MEAK7: variants seen among roughly 807,000 people sequenced by gnomAD.
The protein encoded by MEAK7 is MTOR associated protein MEAK7, also known as MTOR-associated protein MEAK7.
In MEAK7, 68 loss-of-function variants were observed where a neutral mutation model predicts 40.5. That is an observed-to-expected ratio of 1.68 (90% CI 1.38 to 2.06). The LOEUF is 2.06. Ranked by LOEUF, MEAK7 falls within the 30% of genes most tolerant of loss-of-function variation. The pLI, the probability that MEAK7 is intolerant of heterozygous loss-of-function variation, is 0.00. For missense variants in MEAK7, 918 were observed against 580.5 expected, an observed-to-expected ratio of 1.58 and a Z score of -5.98; for synonymous variants, 338 against 231.9, an observed-to-expected ratio of 1.46 and a Z score of -4.16.
At chr16:84,482,484 A>G (rs392199) in intron 6 of MEAK7, 108 bp downstream of exon 6, 1,554,148 of 1,560,932 alleles carry the variant, frequency 1, 773,809 homozygotes, top group East Asian at 1. Context: ...TGCGTGAGGA[A>G]CTGAATGCCA....
chr16:84,497,014 C>A, intron 2 of MEAK7: 1 of 167,296 alleles, frequency 6.0e-6, no homozygotes, highest in South Asian at 1.5e-4. Context: ...ATGTATTTTT[C>A]ATTCATTTTT....
At chr16:84,482,465 G>T (rs1912648085) in intron 6 of MEAK7, 127 bp downstream of exon 6, 2 of 1,477,282 alleles carry the variant, frequency 1.4e-6, no homozygotes, top group Non-Finnish European at 1.8e-6. Flanking sequence ...GAAGGAACTG[G>T]ACATGGCGTG....
In MEAK7 at chr16:84,495,727, T is replaced by G. The variant is rs756652218; in HGVS notation, c.340A>C (p.Ile114Leu). The stretch of plus-strand genomic sequence containing the variant: ...TTCACGGGACCTTCTGTGGCAGAAA[T>G]CATTTTCATAATCATGAGACTCTTC... ...EEKSLMIMKM[I>L]SATEGPVKAR... The change falls in exon 3 of 8, where the codon ATT becomes CTT. Residue 114 changes from isoleucine (I) to leucine (L), a missense_variant. Ile to Leu is a conservative substitution (Grantham distance 5). Coordinates refer to ENST00000343629, the MANE Select transcript of MEAK7 (RefSeq NM_020947.4). 1 of 1,614,010 alleles carries G rather than the reference T, an allele frequency of 6.2e-7. No individual in the cohort carries two copies.
At position 84,486,829 on chromosome 16, in the gene MEAK7, T is replaced by G. The variant is rs753600145; in HGVS notation, c.760A>C (p.Ile254Leu). 2.5e-6 allele frequency: 4 copies of G among 1,614,046 alleles called. No homozygotes were observed. Among genetic ancestry groups the G allele is most frequent in the East Asian group, 2.2e-5 (1 of 44,890 alleles). ...SILDVLSVMY[I>L]NAQLPREQRH... ...TGCTCCCGAGGCAGCTGGGCGTTGA[T>G]GTACATGACAGAGAGGACATCCAGG... Residue 254 changes from isoleucine (I) to leucine (L), a missense_variant, in exon 5 of 8, where the codon ATC becomes CTC. Coordinates refer to ENST00000343629, the MANE Select transcript of MEAK7 (RefSeq NM_020947.4).
rs540186209 is a variant in MEAK7 at position 84,476,716 on chromosome 16, G to C, written c.*3197C>G. On this transcript the variant is annotated 3_prime_UTR_variant, in exon 8 of 8. Coordinates refer to ENST00000343629, the MANE Select transcript of MEAK7 (RefSeq NM_020947.4). ...GACCTCCCTTTAAAAAAGAAAGCGAGGGACACATCAGTGTGTAAAAGACAG... is the reference window on the plus strand; with the variant it reads ...GACCTCCCTTTAAAAAAGAAAGCGACGGACACATCAGTGTGTAAAAGACAG... The C allele has an allele frequency of 6.6e-6, 1 of 152,292 alleles. No individual in the cohort carries two copies. The highest frequency in any genetic ancestry group is 1.9e-4 in the East Asian group (1 of 5,176). 9.4% of individuals were successfully genotyped at this position (152,292 alleles called of 1,614,324 possible). A position where few individuals can be genotyped will look rare whatever the true frequency, so the allele number is the denominator to read the frequency against.
At chr16:84,481,159 A>T (rs146018349) in intron 6 of MEAK7, among the ~76,000 whole-genome samples, 2,253 of 152,312 alleles carry the variant, frequency 0.015, 68 homozygotes, top group African/African-American at 0.052. Context: ...ACAGGCTGGG[A>T]AACTCAGCTC....
In MEAK7 at chr16:84,489,279, T is replaced by G. The variant is rs1276480113; in HGVS notation, c.528A>C (p.Gln176His). Residue 176 changes from glutamine (Q) to histidine (H), a missense_variant and splice_region_variant, in exon 4 of 8, where the codon CAA becomes CAC. Transcript: ENST00000343629. ...AAQLLSDMKL[Q>H]DGKRLLGPQW... The stretch of plus-strand genomic sequence containing the variant: ...ATCACCGCGTCCACGCACACTTGCC[T>G]TGCAGCTTCATGTCAGAGAGCAGCT... 6.2e-7 allele frequency: 1 copy of G among 1,614,018 alleles called. No homozygotes were observed. Among genetic ancestry groups the G allele is most frequent in the South Asian group, 1.1e-5 (1 of 91,042 alleles).
At position 84,478,675 on chromosome 16, in the gene MEAK7, C is replaced by T. The variant is rs1285355321; in HGVS notation, c.*1238G>A. The T allele has an allele frequency of 6.6e-6, 1 of 152,238 alleles. No individual in the cohort carries two copies. The highest frequency in any genetic ancestry group is 1.5e-5 in the Non-Finnish European group (1 of 68,052). 9.4% of individuals were successfully genotyped at this position (152,238 alleles called of 1,614,324 possible). A position where few individuals can be genotyped will look rare whatever the true frequency, so the allele number is the denominator to read the frequency against. On this transcript the variant is annotated 3_prime_UTR_variant, in exon 8 of 8. Transcript: ENST00000343629. Reference sequence around the variant, plus strand: ...GCAGCTCTGCTGACCCCACAACCCACCTACACGATCTTCAGCATTTCAGGA... The same window carrying T: ...GCAGCTCTGCTGACCCCACAACCCATCTACACGATCTTCAGCATTTCAGGA...
At chr16:84,487,213 T>A in intron 4 of MEAK7, 154 bp from the exon 5 acceptor site, 1 of 611,074 alleles carries the variant, frequency 1.6e-6, no homozygotes, top group Middle Eastern at 4.0e-4. Flanking sequence ...GCCGTCAGTG[T>A]AAAAGGCACA....
rs1163829568 is a variant in MEAK7, at chr16:84,483,223, T to G, written c.959-513A>C. Among the ~76,000 whole-genome samples, 9 of 152,304 alleles carry G rather than the reference T, an allele frequency of 5.9e-5. No individual in the cohort carries two copies. The South Asian group carries it at 1.9e-3, about 32-fold the overall frequency. ...GCACGGCCTACGAAAGGAAGTAGTTTACCCTCGCCCAAAGGCATGGGGTGG... is the reference window on the plus strand; with the variant it reads ...GCACGGCCTACGAAAGGAAGTAGTTGACCCTCGCCCAAAGGCATGGGGTGG... On this transcript the variant is annotated intron_variant, in intron 5 of 7. Transcript: ENST00000343629.
intron 6 of MEAK7, 90 bp from the exon 7 acceptor site, chr16:84,480,798 T>A: frequency 7.0e-7 from 1 of 1,430,440 alleles, no homozygotes. Flanking sequence ...TCGCCTTAAG[T>A]ACCAGCCTGA....
chr16:84,483,028 C>T (rs1912715121), intron 5 of MEAK7, among the ~76,000 whole-genome samples: 1 of 152,210 alleles, frequency 6.6e-6, no homozygotes, highest in South Asian at 2.1e-4. Context: ...CCAGAAAGAG[C>T]AGGCTTCCTT....
rs1163147270 is a variant in MEAK7 at position 84,498,052 on chromosome 16, A to G, written c.35T>C (p.Phe12Ser). The G allele has an allele frequency of 6.2e-7, 1 of 1,613,894 alleles. No homozygotes were observed. The highest frequency in any genetic ancestry group is 8.5e-7 in the Non-Finnish European group (1 of 1,179,968). ...GNSRSRVGRS[F>S]CSQFLPEEQA... ...TTCCTCAGGAAGAAACTGTGAACAA[A>G]AGCTCCGCCCCACACGGCTTCTGCT... The change falls in exon 2 of 8, where the codon TTT (phenylalanine) becomes TCT (serine). Residue 12 changes from phenylalanine (F) to serine (S), a missense_variant. By Grantham distance (155) the Phe-to-Ser change is radical. Coordinates refer to ENST00000343629, the MANE Select transcript of MEAK7 (RefSeq NM_020947.4).
At chr16:84,504,014 C>G (rs1032497348) in intron 1 of MEAK7, 93 of 985,420 alleles carry the variant, frequency 9.4e-5, no homozygotes, top group Non-Finnish European at 1.1e-4. Flanking sequence ...GAAGTCCTGT[C>G]TGTGTCTCAG....
intron 5 of MEAK7, among the ~76,000 whole-genome samples, chr16:84,483,474 C>T (rs1912756730): frequency 6.6e-6 from 1 of 152,242 alleles, no homozygotes; most frequent in African/African-American, 2.4e-5. Context: ...TCACAACAAG[C>T]TGGAAGGCTG....
chr16:84,504,092 G>A, intron 1 of MEAK7: 2 of 985,584 alleles, frequency 2.0e-6, no homozygotes, highest in African/African-American at 1.7e-5. Flanking sequence ...GCCAGAAGGT[G>A]ACCTGTCCTG....
At chr16:84,482,837 G>T in intron 5 of MEAK7, 127 bp from the exon 6 acceptor site, 1 of 1,423,844 alleles carries the variant, frequency 7.0e-7, no homozygotes. Context: ...ATGTCCAGGT[G>T]TCGGCAGATC....
At chr16:84,492,921 T>C (rs1913746018) in intron 3 of MEAK7, among the ~76,000 whole-genome samples, 1 of 152,228 alleles carries the variant, frequency 6.6e-6, no homozygotes, top group African/African-American at 2.4e-5. Flanking sequence ...TGACAAACTT[T>C]CCAGAATCAA....
intron 3 of MEAK7, among the ~76,000 whole-genome samples, chr16:84,493,434 G>A (rs970758363): frequency 5.3e-5 from 8 of 152,316 alleles, no homozygotes; most frequent in Admixed American, 2.0e-4. Context: ...GAGGATTGCC[G>A]ATCCAATATC....
Sources: allele counts gnomAD v4.1 joint callset (sites outside exome capture counted in the v4.1 genomes callset), GRCh38; gene constraint gnomAD v4.1.1; transcripts MANE v1.5; gene names NCBI Gene and HGNC (gene_info 2026-07-23, HGNC 2026-07-21).